The following NPHP4 variants were observed in gnomAD, a reference collection of about 807,000 sequenced individuals.
NPHP4 encodes the protein nephrocystin 4, also known as nephrocystin-4.
A neutral mutation model predicts 155.8 loss-of-function variants in NPHP4; 151 were observed. The ratio of observed to expected loss-of-function variants is 0.97; its 90% CI spans 0.85 to 1.11. NPHP4 has a LOEUF of 1.11. NPHP4 is among the 50% of genes least tolerant of loss of function. The pLI is 0.00. For missense variants in NPHP4, 1,956 were observed against 1,925.7 expected, an observed-to-expected ratio of 1.02 and a Z score of -0.29; for synonymous variants, 845 against 816.8, an observed-to-expected ratio of 1.03 and a Z score of -0.59.
chr1:5,909,042 G>C (rs955954133), intron 12 of NPHP4, 110 bp downstream of exon 12: 1 of 934,662 alleles, frequency 1.1e-6, no homozygotes, highest in Non-Finnish European at 1.7e-6. Context: ...GCCCTCCCCA[G>C]CCACGCAGAA....
intron 16 of NPHP4, among the ~76,000 whole-genome samples, chr1:5,902,116 T>A (rs1465304693): frequency 1.3e-5 from 2 of 152,200 alleles, no homozygotes; most frequent in Non-Finnish European, 2.9e-5. Context: ...CCAGCCCCCA[T>A]GCCTCTCAGG....
intron 3 of NPHP4, among the ~76,000 whole-genome samples, 179 bp downstream of exon 3, chr1:5,978,091 G>A (rs949834408): frequency 1.3e-5 from 2 of 151,704 alleles, no homozygotes; most frequent in Admixed American, 1.3e-4. Flanking sequence ...TTCCACATAA[G>A]ATTTTGTTTG....
intron 20 of NPHP4, 157 bp downstream of exon 20, chr1:5,876,936 T>G (rs1642666191): frequency 2.1e-6 from 1 of 467,346 alleles, no homozygotes; most frequent in Non-Finnish European, 3.6e-6. Flanking sequence ...CTTAAAGATT[T>G]CCCCCGGTGG....
At chr1:5,864,954 G>A (rs558517504) in intron 27 of NPHP4, 148 bp downstream of exon 27, 32 of 729,380 alleles carry the variant, frequency 4.4e-5, no homozygotes, top group South Asian at 5.3e-5. Context: ...GGCAACTGCC[G>A]AGAGGCCTCT....
intron 7 of NPHP4, among the ~76,000 whole-genome samples, chr1:5,949,872 A>T (rs1380531295): frequency 6.6e-6 from 1 of 152,132 alleles, no homozygotes; most frequent in Non-Finnish European, 1.5e-5. Context: ...CATGACCAGG[A>T]GGCAGCACAT....
chr1:5,879,022 G>A lies in NPHP4; in HGVS notation c.2611+1092C>T, dbSNP rs114840616. On this transcript the variant is annotated intron_variant, in intron 19 of 29. Transcript: ENST00000378156. The stretch of plus-strand genomic sequence containing the variant: ...ATGAGGAAGCTGGCCCAGAACAACA[G>A]ACTCTATCTGCCTGGATCATGAATC... Among the ~76,000 whole-genome samples, 482 of 152,334 alleles carry A rather than the reference G, an allele frequency of 3.2e-3. 3 individuals carry two copies. Among genetic ancestry groups the A allele is most frequent in the Non-Finnish European group, 4.9e-3 (336 of 68,026 alleles).
intron 3 of NPHP4, among the ~76,000 whole-genome samples, chr1:5,970,937 AAG>A (rs1475047215): frequency 6.6e-6 from 1 of 152,230 alleles, no homozygotes; most frequent in Non-Finnish European, 1.5e-5. Flanking sequence ...TGGTTGGACT[AAG>A]AGAGAATTAT....
chr1:5,970,638 T>A (rs1652390440), intron 3 of NPHP4, among the ~76,000 whole-genome samples: 1 of 152,056 alleles, frequency 6.6e-6, no homozygotes. Flanking sequence ...ACACCCCAGC[T>A]GGGGGGCAAA....
At chr1:5,920,925 C>T (rs528723105) in intron 11 of NPHP4, among the ~76,000 whole-genome samples, 46 of 152,280 alleles carry the variant, frequency 3.0e-4, no homozygotes, top group African/African-American at 1.0e-3. Context: ...GAAGGCCTTC[C>T]TAACCCAAAG....
At position 5,880,139 on chromosome 1, in the gene NPHP4, G is replaced by T; in HGVS notation, c.2586C>A (p.Ser862Arg). Residue 862 changes from serine (S) to arginine (R), a missense_variant, in exon 19 of 30, where the codon AGC (serine) becomes AGA (arginine). Physicochemically the swap from Ser to Arg is moderately radical, Grantham distance 110. Transcript: ENST00000378156. ...NDGASRFSGG[S>R]LLTTGSSRRK... ...GCCTTGAGCTTCCAGTCGTGAGGAG[G>T]CTGCCTCCAGAGAAGCGGCTGGCTC... 6.2e-7 allele frequency: 1 copy of T among 1,613,684 alleles called. No homozygotes were observed. The highest frequency in any genetic ancestry group is 8.5e-7 in the Non-Finnish European group (1 of 1,179,742).
intron 1 of NPHP4, among the ~76,000 whole-genome samples, 171 bp from the exon 2 acceptor site, chr1:5,986,498 C>T (rs2102458912): frequency 6.6e-6 from 1 of 152,270 alleles, no homozygotes; most frequent in Middle Eastern, 3.4e-3. Flanking sequence ...CCCATGCTGC[C>T]TCCTCTAGGA....
intron 9 of NPHP4, among the ~76,000 whole-genome samples, chr1:5,937,202 G>A (rs1646587566): frequency 6.6e-6 from 1 of 152,044 alleles, no homozygotes; most frequent in African/African-American, 2.4e-5. Flanking sequence ...TCACACCAGG[G>A]GTTTCCTGGG....
intron 7 of NPHP4, among the ~76,000 whole-genome samples, chr1:5,951,721 A>G (rs1487960821): frequency 1.3e-5 from 2 of 152,246 alleles, no homozygotes; most frequent in Non-Finnish European, 2.9e-5. Context: ...ATTATCGCCT[A>G]GAAAACATAA....
Position 5,961,836 on chromosome 1 carries a change from G to C in NPHP4, c.631C>G (p.Leu211Val), listed in dbSNP as rs766491055. ...GGAAGCAGGCCAGGTATCTGCTGCA[G>C]ACCAGACACCAGAAGGTTCTCAGGA... ...LLPENLLVSG[L>V]QQIPGLLPAH... Residue 211 changes from leucine to valine, a missense_variant, in exon 6 of 30, where the codon CTG becomes GTG. Leu to Val is a conservative substitution (Grantham distance 32, BLOSUM62 1). Coordinates refer to ENST00000378156, the MANE Select transcript of NPHP4 (RefSeq NM_015102.5). 1 of 1,613,418 alleles carries C rather than the reference G, an allele frequency of 6.2e-7. No individual in the cohort carries two copies. The highest frequency in any genetic ancestry group is 1.3e-5 in the African/African-American group (1 of 74,930).
At chr1:5,957,831 T>C (rs1285610232) in intron 6 of NPHP4, among the ~76,000 whole-genome samples, 1 of 152,206 alleles carries the variant, frequency 6.6e-6, no homozygotes, top group Non-Finnish European at 1.5e-5. Context: ...GGAATGAAAA[T>C]GACTTTGAGC....
chr1:5,988,088 C>A (rs190489578), intron 1 of NPHP4, among the ~76,000 whole-genome samples: 22 of 152,278 alleles, frequency 1.4e-4, no homozygotes, highest in Admixed American at 1.2e-3. Flanking sequence ...CTGAACAATG[C>A]GTAATGGTAC....
rs1644193688 is a variant in NPHP4 at position 5,892,687 on chromosome 1, C to T, written c.2144-1659G>A. On this transcript the variant is annotated intron_variant, in intron 16 of 29. Transcript: ENST00000378156. The surrounding 1 kb of genome is among the most constrained non-coding windows in gnomAD (Gnocchi z 4.5). ...GACGCGCGTACTCTCCCCACTGCAG[C>T]CTCAGACCTCTCCCCTCCCTGTCCA... is the stretch of plus-strand genomic sequence containing the variant. Among the ~76,000 whole-genome samples, 1 of 152,034 alleles carries T rather than the reference C, an allele frequency of 6.6e-6. No homozygotes were observed. Among genetic ancestry groups the T allele is most frequent in the Non-Finnish European group, 1.5e-5 (1 of 67,988 alleles).
chr1:5,870,107 A>C (rs1395849087), intron 23 of NPHP4, among the ~76,000 whole-genome samples: 1 of 152,196 alleles, frequency 6.6e-6, no homozygotes, highest in Non-Finnish European at 1.5e-5. Context: ...TCTAACGCTC[A>C]AATCTTGGTT....
At chr1:5,906,161 A>G (rs1170332564) in intron 13 of NPHP4, among the ~76,000 whole-genome samples, 1 of 152,268 alleles carries the variant, frequency 6.6e-6, no homozygotes, top group Non-Finnish European at 1.5e-5. Flanking sequence ...TGGTAAATTC[A>G]TATCAAAGCA....
Sources: allele counts gnomAD v4.1 joint callset (sites outside exome capture counted in the v4.1 genomes callset), GRCh38; gene constraint gnomAD v4.1.1; non-coding constraint Gnocchi (gnomAD v3.1); transcripts MANE v1.5; gene names NCBI Gene and HGNC (gene_info 2026-07-23, HGNC 2026-07-21).